MBNL2: variants seen among roughly 807,000 people sequenced by gnomAD.
The protein encoded by MBNL2 is muscleblind-like protein 2.
MBNL2 carries 17 observed loss-of-function variants against 41.9 expected under a neutral mutation model. The observed-to-expected ratio is 0.41, with a 90% CI of 0.28 to 0.61. The LOEUF is 0.61. Among genes scored for constraint, MBNL2 ranks in the 20% least tolerant of loss-of-function variants. MBNL2 has a pLI of 0.35. For missense variants in MBNL2, 336 were observed against 505.6 expected, an observed-to-expected ratio of 0.66 and a Z score of 3.22; for synonymous variants, 195 against 182.9, an observed-to-expected ratio of 1.07 and a Z score of -0.53.
rs59086561 is a variant in MBNL2 at position 97,313,242 on chromosome 13, G to A, written c.175-21034G>A. ...TTGTCAGGATAAAGGCAGGTCCAAG[G>A]TGTTAACTCTAAATCCTCAAAATAG... On this transcript the variant is annotated intron_variant, in intron 2 of 8. Coordinates refer to ENST00000679496, the MANE Select transcript of MBNL2 (RefSeq NM_001382683.1). 2.0e-3 allele frequency among the ~76,000 whole-genome samples: 307 copies of A among 152,250 alleles called. 2 individuals carry two copies. Among genetic ancestry groups the A allele is most frequent in the African/African-American group, 6.9e-3 (285 of 41,548 alleles).
chr13:97,301,106 A>G (rs1197705169), intron 2 of MBNL2, among the ~76,000 whole-genome samples: 4 of 152,158 alleles, frequency 2.6e-5, no homozygotes. Flanking sequence ...ATAACTGGAG[A>G]TTCCTTAATG....
rs538728320 is a variant in MBNL2, at chr13:97,267,188, G to A, written c.-604-8444G>A. On this transcript the variant is annotated intron_variant, in intron 1 of 8. Transcript: ENST00000679496. ...GAGAGGCGTGGAATGGAGGGAGGTC[G>A]CCTCCTTGCAGAGTGAAAAGCCAGG... Among the ~76,000 whole-genome samples, 251 of 152,262 alleles carry A rather than the reference G, an allele frequency of 1.6e-3. 1 individual carries two copies. The highest frequency in any genetic ancestry group is 3.0e-3 in the Non-Finnish European group (202 of 68,022).
chr13:97,242,889 A>G (rs146289676), intron 1 of MBNL2, among the ~76,000 whole-genome samples: 6 of 152,142 alleles, frequency 3.9e-5, no homozygotes, highest in Non-Finnish European at 5.9e-5. Flanking sequence ...CAATGACATC[A>G]TCCTCTGAAA....
intron 1 of MBNL2, among the ~76,000 whole-genome samples, chr13:97,227,064 TCA>T (rs1566351948): frequency 9.1e-4 from 58 of 64,022 alleles, no homozygotes; most frequent in African/African-American, 3.6e-3. Flanking sequence ...AAAAAAAAAA[TCA>T]AAAAAAAAAA....
At chr13:97,362,696 ATTTGGAAAGATCTAC>A (rs1441632250) in intron 7 of MBNL2, among the ~76,000 whole-genome samples, 2 of 152,118 alleles carry the variant, frequency 1.3e-5, no homozygotes, top group Admixed American at 6.5e-5. Flanking sequence ...CCAGGCCTGC[ATTTGGAAAGATCTAC>A]TCTGCCAGAA....
intron 1 of MBNL2, among the ~76,000 whole-genome samples, chr13:97,230,353 G>A (rs2042214287): frequency 6.6e-6 from 1 of 152,226 alleles, no homozygotes; most frequent in African/African-American, 2.4e-5. Context: ...AGGGTTGAAG[G>A]AGGGTGGGCG....
chr13:97,321,328 G>A (rs959463034), intron 2 of MBNL2, among the ~76,000 whole-genome samples: 2 of 152,230 alleles, frequency 1.3e-5, no homozygotes, highest in Non-Finnish European at 2.9e-5. Context: ...TGGGGTCCAG[G>A]AGGGGAAGAT....
rs531963151 is a variant in MBNL2, at chr13:97,392,024, T to C, written c.*575T>C. 2 of 152,792 alleles carry C rather than the reference T, an allele frequency of 1.3e-5. No individual in the cohort carries two copies. Among genetic ancestry groups the C allele is most frequent in the East Asian group, 1.9e-4 (1 of 5,196 alleles). 9.5% of individuals were successfully genotyped at this position (152,792 alleles called of 1,614,324 possible). A position where few individuals can be genotyped will look rare whatever the true frequency, so the allele number is the denominator to read the frequency against. On this transcript the variant is annotated 3_prime_UTR_variant, in exon 9 of 9. Coordinates refer to ENST00000679496, the MANE Select transcript of MBNL2 (RefSeq NM_001382683.1). ...TGATTCTAGATTAACATTAAATAGATTGAAAAAGAAACTTTGCACGGTATG... is the reference window on the plus strand; with the variant it reads ...TGATTCTAGATTAACATTAAATAGACTGAAAAAGAAACTTTGCACGGTATG...
intron 8 of MBNL2, among the ~76,000 whole-genome samples, chr13:97,380,062 C>A (rs1279972237): frequency 6.6e-6 from 1 of 152,136 alleles, no homozygotes; most frequent in African/African-American, 2.4e-5. Flanking sequence ...ATTAAAAATT[C>A]TTTATGGCTG....
the MBNL2 span, among the ~76,000 whole-genome samples, chr13:97,216,182 A>T: frequency 1.3e-3 from 193 of 152,102 alleles, 2 homozygotes; most frequent in African/African-American, 4.3e-3. Context: ...TATAAAACCA[A>T]TTTTCTATTC....
At chr13:97,165,867 C>A in the MBNL2 span, among the ~76,000 whole-genome samples, 3 of 152,214 alleles carry the variant, frequency 2.0e-5, no homozygotes, top group Non-Finnish European at 2.9e-5. Flanking sequence ...CCATGACATG[C>A]AGAATCTCCT....
At chr13:97,365,347 C>T (rs538557234) in intron 8 of MBNL2, among the ~76,000 whole-genome samples, 176 bp downstream of exon 8, 142 of 152,198 alleles carry the variant, frequency 9.3e-4, no homozygotes, top group Middle Eastern at 3.4e-3. Flanking sequence ...AAGAAAATGA[C>T]GGTTTTAATG....
Position 97,334,440 on chromosome 13 carries a change from G to A in MBNL2, c.339G>A (p.Val113=), listed in dbSNP as rs2060707490. ...FMFPGTPLHP[V]PTFPVGPAIG... Reference sequence around the variant, plus strand: ...TTCCAGGAACACCACTTCATCCAGTGGTGAGTACATCTTTATTCAGTGATG... The same window carrying A: ...TTCCAGGAACACCACTTCATCCAGTAGTGAGTACATCTTTATTCAGTGATG... The change falls in exon 3 of 9, where the codon GTG becomes GTA. Residue 113 remains valine, a splice_region_variant and synonymous_variant. Transcript: ENST00000679496. This position sits in a 1 kb window ranked among gnomAD's most constrained non-coding sequence, Gnocchi z 5.3. The A allele has an allele frequency of 6.2e-7, 1 of 1,608,130 alleles. No homozygotes were observed. Among genetic ancestry groups the A allele is most frequent in the Non-Finnish European group, 8.5e-7 (1 of 1,176,380 alleles).
At chr13:97,353,907 C>T (rs1435092809) in intron 5 of MBNL2, among the ~76,000 whole-genome samples, 1 of 152,116 alleles carries the variant, frequency 6.6e-6, no homozygotes, top group African/African-American at 2.4e-5. Flanking sequence ...ACCTTCTTTC[C>T]TACTTTAAAG....
chr13:97,357,495 G>A lies in MBNL2; in HGVS notation c.872G>A (p.Gly291Asp). The stretch of plus-strand genomic sequence containing the variant: ...CTTCATTTCTAGGCCTTTCCCCCTG[G>A]TGCTCTTCATCCTTTACCAAAGAGA... ...EATVDLAFPP[G>D]ALHPLPKRQA... The change falls in exon 7 of 9, where the codon GGT (glycine) becomes GAT (aspartate). Residue 291 changes from glycine (G) to aspartate (D), a missense_variant. Transcript: ENST00000679496. 15 of 1,613,924 alleles carry A rather than the reference G, an allele frequency of 9.3e-6. No homozygotes were observed. Among genetic ancestry groups the A allele is most frequent in the Non-Finnish European group, 1.3e-5 (15 of 1,179,962 alleles).
intron 1 of MBNL2, among the ~76,000 whole-genome samples, chr13:97,258,401 A>G (rs1185768315): frequency 6.6e-6 from 1 of 152,150 alleles, no homozygotes. Flanking sequence ...GAAGTATGGC[A>G]GTACTTTCTT....
intron 1 of MBNL2, among the ~76,000 whole-genome samples, chr13:97,236,912 G>T (rs966119627): frequency 6.6e-6 from 1 of 152,110 alleles, no homozygotes. Context: ...ATGCATGAAA[G>T]CTTTGCTTAA....
the MBNL2 span, among the ~76,000 whole-genome samples, chr13:97,189,065 AT>A: frequency 1.8e-3 from 256 of 145,830 alleles, no homozygotes; most frequent in Middle Eastern, 3.6e-3. Context: ...CTACTTCTGT[AT>A]TTTTTTTTTT....
chr13:97,351,590 A>C (rs546368317), intron 5 of MBNL2, among the ~76,000 whole-genome samples: 1 of 152,296 alleles, frequency 6.6e-6, no homozygotes, highest in South Asian at 2.1e-4. Context: ...CTTGCTGCTC[A>C]CCATGCTCTT....
Sources: gnomAD v4.1 joint callset for allele counts (sites outside exome capture counted in the v4.1 genomes callset) on GRCh38, gnomAD v4.1.1 for gene constraint, Gnocchi (gnomAD v3.1) non-coding constraint, MANE v1.5 for transcripts, NCBI Gene and HGNC (gene_info 2026-07-23, HGNC 2026-07-21) for gene names.